Variants in RYR2 observed in about 807,000 individuals in gnomAD.
The protein encoded by RYR2 is ryanodine receptor 2, also known as cardiac muscle ryanodine receptor-calcium release channel.
Under a neutral mutation model 601.1 loss-of-function variants are expected in RYR2, and 227 were observed. The ratio of observed to expected loss-of-function variants is 0.38; its 90% CI spans 0.34 to 0.42. The LOEUF (loss-of-function observed/expected upper bound fraction) is 0.42, where lower values mean the gene tolerates loss of function less well. RYR2 is among the 10% of genes least tolerant of loss of function. RYR2 has a pLI of 1.00. For synonymous variants in RYR2, 2,223 were observed against 2,175.1 expected (o/e 1.02, Z -0.61); for missense variants, 4,646 against 6,156.5 (o/e 0.75, Z 8.21).
At chr1:237,720,566 T>A (rs998319397) in intron 73 of RYR2, among the ~76,000 whole-genome samples, 58 of 152,344 alleles carry the variant, frequency 3.8e-4, no homozygotes, top group African/African-American at 1.3e-3. Flanking sequence ...TATTGGAACT[T>A]CAGAAGAAAA....
intron 1 of RYR2, among the ~76,000 whole-genome samples, chr1:237,255,838 A>AGTGTGTGTGTGT (rs4006354): frequency 0.02 from 2,869 of 142,920 alleles, 113 homozygotes; most frequent in African/African-American, 0.065. Flanking sequence ...TTGCTATACC[A>AGTGTGTGTGTGT]GTGTGTGTGT....
chr1:237,630,278 A>C (rs974288743), intron 41 of RYR2, among the ~76,000 whole-genome samples: 2 of 152,182 alleles, frequency 1.3e-5, no homozygotes, highest in African/African-American at 2.4e-5. Flanking sequence ...AAAGCAAATG[A>C]GATTTTAAAA....
chr1:237,285,195 G>T (rs530703547), intron 2 of RYR2, among the ~76,000 whole-genome samples: 1 of 152,202 alleles, frequency 6.6e-6, no homozygotes, highest in South Asian at 2.1e-4. Context: ...TTACATTAAG[G>T]TATGTCCCTT....
intron 2 of RYR2, among the ~76,000 whole-genome samples, chr1:237,315,134 G>A (rs911913369): frequency 6.6e-6 from 1 of 152,096 alleles, no homozygotes; most frequent in Non-Finnish European, 1.5e-5. Context: ...AATAAGATGA[G>A]TACATGTGTG....
At chr1:237,291,727 A>G (rs1233910752) in intron 2 of RYR2, among the ~76,000 whole-genome samples, 2 of 152,230 alleles carry the variant, frequency 1.3e-5, no homozygotes, top group Non-Finnish European at 2.9e-5. Context: ...AAATCTCTGG[A>G]GACAGTAAAG....
At chr1:237,452,308 A>T (rs1307874041) in intron 14 of RYR2, among the ~76,000 whole-genome samples, 2 of 146,298 alleles carry the variant, frequency 1.4e-5, no homozygotes, top group East Asian at 2.0e-4. Flanking sequence ...GGCATATATT[A>T]GTATATGTAT....
chr1:237,317,291 G>A (rs762342982), intron 2 of RYR2, among the ~76,000 whole-genome samples: 15 of 152,284 alleles, frequency 9.9e-5, no homozygotes, highest in Non-Finnish European at 1.2e-4. Context: ...TCAAAGGCAC[G>A]TCAACATGGT....
At chr1:237,642,719 G>A (rs1681693224) in intron 47 of RYR2, among the ~76,000 whole-genome samples, 1 of 152,182 alleles carries the variant, frequency 6.6e-6, no homozygotes, top group African/African-American at 2.4e-5. Flanking sequence ...CTGTCCTGAA[G>A]ACTTGCTGAG....
In RYR2 at chr1:237,369,599, T is replaced by C. The variant is rs397516528; in HGVS notation, c.375T>C (p.Tyr125=). ...ATGCCATATTGCTGCGCCATTCCTATAGTGGCATGGTGAGTAGGCATTTGA... is the reference window on the plus strand; with the variant it reads ...ATGCCATATTGCTGCGCCATTCCTACAGTGGCATGGTGAGTAGGCATTTGA... The part of the protein sequence containing the change: ...YGHAILLRHS[Y]SGMYLCCLST... Residue 125 remains tyrosine, a synonymous_variant, in exon 6 of 105, where the codon TAT becomes TAC. Transcript: ENST00000366574. 70 of 1,560,124 alleles carry C rather than the reference T, an allele frequency of 4.5e-5. No individual in the cohort carries two copies. In the South Asian group the frequency reaches 7.1e-4, roughly 16 times the overall value.
intron 25 of RYR2, among the ~76,000 whole-genome samples, chr1:237,544,366 A>G (rs1441616841): frequency 6.6e-6 from 1 of 152,194 alleles, no homozygotes; most frequent in African/African-American, 2.4e-5. Flanking sequence ...GTTTCTCATG[A>G]TGTTTGAGAA....
chr1:237,720,608 G>T (rs1221160206), intron 73 of RYR2, among the ~76,000 whole-genome samples: 2 of 152,210 alleles, frequency 1.3e-5, no homozygotes, highest in African/African-American at 4.8e-5. Context: ...CCCCTATAGG[G>T]AGAGACACTA....
rs570462119 is a variant in RYR2 at position 237,573,449 on chromosome 1, A to C, written c.3598+4130A>C. Among the ~76,000 whole-genome samples, 734 of 151,408 alleles carry C rather than the reference A, an allele frequency of 4.8e-3. 6 individuals are homozygous for C. The highest frequency in any genetic ancestry group is 0.017 in the African/African-American group (687 of 41,344). ...TATATACCGTCAAAAAGAAAATCAC[A>C]AACATCTTTGAAAGACTGATATGGC... On this transcript the variant is annotated intron_variant, in intron 29 of 104. Transcript: ENST00000366574.
chr1:237,668,805 G>A (rs912648519), intron 58 of RYR2, among the ~76,000 whole-genome samples: 1 of 152,228 alleles, frequency 6.6e-6, no homozygotes, highest in Non-Finnish European at 1.5e-5. Flanking sequence ...CTGGCACCAA[G>A]CACTAGGAAA....
intron 1 of RYR2, among the ~76,000 whole-genome samples, chr1:237,172,890 G>C (rs2148913136): frequency 6.6e-6 from 1 of 152,220 alleles, no homozygotes; most frequent in East Asian, 1.9e-4. Flanking sequence ...ATGGTGAGTG[G>C]ATTTCTATCC....
At chr1:237,265,565 AC>A (rs1391056255) in intron 1 of RYR2, among the ~76,000 whole-genome samples, 2 of 152,078 alleles carry the variant, frequency 1.3e-5, no homozygotes, top group Non-Finnish European at 2.9e-5. Flanking sequence ...CAAGTGATCC[AC>A]CCGCCTGGGC....
At chr1:237,327,324 C>T (rs1696266000) in intron 2 of RYR2, among the ~76,000 whole-genome samples, 1 of 151,870 alleles carries the variant, frequency 6.6e-6, no homozygotes, top group African/African-American at 2.4e-5. Context: ...CTAACTCCCA[C>T]GATCTGAAAA....
intron 8 of RYR2, among the ~76,000 whole-genome samples, chr1:237,385,098 C>A (rs537216931): frequency 6.6e-6 from 1 of 151,912 alleles, no homozygotes; most frequent in South Asian, 2.1e-4. Context: ...ACCATGTTAG[C>A]CAGGATGGTC....
intron 60 of RYR2, among the ~76,000 whole-genome samples, chr1:237,676,907 T>A (rs965335157): frequency 1.6e-4 from 24 of 152,258 alleles, no homozygotes; most frequent in African/African-American, 5.8e-4. Flanking sequence ...TGTTCAAAAT[T>A]TTCTCTTGAC....
At chr1:237,530,575 T>C (rs908495090) in intron 25 of RYR2, 65 bp downstream of exon 25, 9 of 1,188,336 alleles carry the variant, frequency 7.6e-6, no homozygotes, top group Admixed American at 2.0e-5. Context: ...CAAATAACTC[T>C]TGATGGACAC....
Sources: allele counts gnomAD v4.1 joint callset (sites outside exome capture counted in the v4.1 genomes callset), GRCh38; gene constraint gnomAD v4.1.1; transcripts MANE v1.5; gene names NCBI Gene and HGNC (gene_info 2026-07-23, HGNC 2026-07-21).